The following CLNK variants were observed in gnomAD, a reference collection of about 807,000 sequenced individuals.
CLNK encodes the protein cytokine-dependent hematopoietic cell linker.
In CLNK, 74 loss-of-function variants were observed where a neutral mutation model predicts 68.6. The observed-to-expected ratio is 1.08, with a 90% CI of 0.89 to 1.31. The LOEUF is 1.31. Among genes scored for constraint, CLNK ranks in the 50% most tolerant of loss-of-function variants. CLNK has a pLI of 0.00. For synonymous variants in CLNK, 198 were observed against 172.2 expected (o/e 1.15, Z -1.17); for missense variants, 553 against 515.3 (o/e 1.07, Z -0.71).
chr4:10,581,520 AG>A (rs1045543541), intron 4 of CLNK, among the ~76,000 whole-genome samples: 2 of 152,190 alleles, frequency 1.3e-5, no homozygotes, highest in Non-Finnish European at 1.5e-5. Context: ...AACACTTAAC[AG>A]GGGGTTGAAG....
At chr4:10,625,247 A>G (rs778844936) in intron 2 of CLNK, among the ~76,000 whole-genome samples, 3 of 152,228 alleles carry the variant, frequency 2.0e-5, no homozygotes, top group African/African-American at 7.2e-5. Flanking sequence ...GGGAAACATT[A>G]GCCGATATAA....
intron 1 of CLNK, among the ~76,000 whole-genome samples, chr4:10,676,393 CTTT>C (rs33954033): frequency 3.0e-5 from 4 of 134,344 alleles, no homozygotes; most frequent in Non-Finnish European, 4.7e-5. Context: ...TTATAGATTT[CTTT>C]TTTTTTTTTT....
intron 2 of CLNK, among the ~76,000 whole-genome samples, chr4:10,614,958 G>C (rs889730328): frequency 9.9e-5 from 15 of 152,096 alleles, no homozygotes; most frequent in African/African-American, 3.6e-4. Context: ...GTCTAAGAAG[G>C]GAAGATCACT....
intron 2 of CLNK, among the ~76,000 whole-genome samples, chr4:10,643,007 T>TACAG (rs900717099): frequency 6.6e-6 from 1 of 152,148 alleles, no homozygotes; most frequent in Non-Finnish European, 1.5e-5. Flanking sequence ...TACGCACACA[T>TACAG]ACAGACAGAC....
intron 2 of CLNK, among the ~76,000 whole-genome samples, chr4:10,616,293 C>T (rs1248924920): frequency 2.0e-5 from 3 of 152,120 alleles, no homozygotes; most frequent in African/African-American, 4.8e-5. Context: ...TGCTACAAAT[C>T]GGGGTTTAGT....
At chr4:10,646,109 A>G (rs1460226085) in intron 2 of CLNK, among the ~76,000 whole-genome samples, 5 of 152,198 alleles carry the variant, frequency 3.3e-5, no homozygotes, top group Non-Finnish European at 1.5e-5. Flanking sequence ...TGAGCAAGTT[A>G]TGGAGGAATT....
At position 10,627,675 on chromosome 4, in the gene CLNK, G is replaced by A. The variant is rs1401663531; in HGVS notation, c.12-29626C>T. ...CTGTCTCCTCCTTCTGCTGCTGCAGGGTGATTGCTAACTACTCATGTTTTA... is the reference window on the plus strand; with the variant it reads ...CTGTCTCCTCCTTCTGCTGCTGCAGAGTGATTGCTAACTACTCATGTTTTA... On this transcript the variant is annotated intron_variant, in intron 2 of 18. Transcript: ENST00000226951. Among the ~76,000 whole-genome samples, 6 of 152,038 alleles carry A rather than the reference G, an allele frequency of 3.9e-5. No homozygotes were observed. In the South Asian group the frequency reaches 1.2e-3, roughly 32 times the overall value.
At chr4:10,522,320 T>A (rs1288032856) in intron 14 of CLNK, among the ~76,000 whole-genome samples, 4 of 148,990 alleles carry the variant, frequency 2.7e-5, no homozygotes, top group African/African-American at 9.9e-5. Flanking sequence ...ACACCTGTAA[T>A]CCCAACACTT....
intron 11 of CLNK, among the ~76,000 whole-genome samples, chr4:10,537,678 T>C (rs36171117): frequency 0.29 from 10,880 of 37,558 alleles, 1,794 homozygotes; most frequent in African/African-American, 0.37. Flanking sequence ...TTTCTTTCTT[T>C]CTTCCTTCCT....
intron 8 of CLNK, among the ~76,000 whole-genome samples, chr4:10,544,639 G>A (rs1719158400): frequency 6.6e-6 from 1 of 152,206 alleles, no homozygotes; most frequent in East Asian, 1.9e-4. Context: ...AGCATGTCCT[G>A]TGGATATCTT....
the CLNK span, among the ~76,000 whole-genome samples, chr4:10,728,649 G>C: frequency 2.0e-5 from 3 of 149,226 alleles, no homozygotes; most frequent in African/African-American, 7.4e-5. Context: ...TGTCACCCAG[G>C]CTGGAGTGCA....
chr4:10,725,641 C>T, the CLNK span, among the ~76,000 whole-genome samples: 3 of 152,084 alleles, frequency 2.0e-5, no homozygotes, highest in East Asian at 1.9e-4. Context: ...ATCACAAGGT[C>T]AGGAGATCGA....
At chr4:10,492,871 C>T in intron 18 of CLNK, among the ~76,000 whole-genome samples, 1 of 152,184 alleles carries the variant, frequency 6.6e-6, no homozygotes, top group East Asian at 1.9e-4. Context: ...TTCTCTCCCG[C>T]CTGAGCTCAT....
At chr4:10,543,673 C>T (rs1719122712) in intron 8 of CLNK, among the ~76,000 whole-genome samples, 1 of 152,216 alleles carries the variant, frequency 6.6e-6, no homozygotes, top group South Asian at 2.1e-4. Flanking sequence ...CAATGCAACA[C>T]AGCACAAACT....
At chr4:10,574,157 G>A (rs1018916278) in intron 4 of CLNK, among the ~76,000 whole-genome samples, 23 of 152,106 alleles carry the variant, frequency 1.5e-4, no homozygotes, top group African/African-American at 4.8e-4. Context: ...TCCTAACACC[G>A]TGCATCAGTT....
Position 10,558,443 on chromosome 4 carries a change from G to A in CLNK, c.409C>T (p.Pro137Ser). Residue 137 changes from proline (P) to serine (S), a missense_variant, in exon 8 of 19, where the codon CCC becomes TCC. Pro to Ser is a moderately conservative substitution (Grantham distance 74). Coordinates refer to ENST00000226951, the MANE Select transcript of CLNK (RefSeq NM_052964.4). Reference protein sequence around the residue: ...TQTRLERVDKPISKDVRSQNI... With the variant: ...TQTRLERVDKSISKDVRSQNI... ...TGGCTTCTGACGTCCTTGGAAATGG[G>A]TTTGTCCACCTGTACAAGACAATGA... 6.2e-7 allele frequency: 1 copy of A among 1,613,688 alleles called. No homozygotes were observed. Among genetic ancestry groups the A allele is most frequent in the Non-Finnish European group, 8.5e-7 (1 of 1,179,736 alleles).
At chr4:10,688,455 T>C (rs1434780247), upstream of CLNK, among the ~76,000 whole-genome samples, 3 of 152,160 alleles carry the variant, frequency 2.0e-5, no homozygotes, top group Non-Finnish European at 4.4e-5. Context: ...CCATGGTGCC[T>C]GGATGGCTGG....
intron 15 of CLNK, among the ~76,000 whole-genome samples, chr4:10,515,715 C>G (rs567927352): frequency 5.3e-5 from 8 of 152,326 alleles, no homozygotes; most frequent in South Asian, 4.2e-4. Context: ...AACATTTACA[C>G]TTTTCTACTG....
chr4:10,494,548 C>T (rs1386013561), intron 18 of CLNK, among the ~76,000 whole-genome samples: 1 of 151,604 alleles, frequency 6.6e-6, no homozygotes, highest in African/African-American at 2.4e-5. Flanking sequence ...ACCTCTGCCT[C>T]CTAGATTCAA....
Sources: gnomAD v4.1 joint callset for allele counts (sites outside exome capture counted in the v4.1 genomes callset) on GRCh38, gnomAD v4.1.1 for gene constraint, MANE v1.5 for transcripts, NCBI Gene and HGNC (gene_info 2026-07-23, HGNC 2026-07-21) for gene names.